ZNF410: variants seen among roughly 807,000 people sequenced by gnomAD.
ZNF410 encodes another partner for ARF 1.
Under a neutral mutation model 54.8 loss-of-function variants are expected in ZNF410, and 18 were observed. The observed-to-expected ratio is 0.33, with a 90% CI of 0.23 to 0.49. The LOEUF (loss-of-function observed/expected upper bound fraction) is 0.49. ZNF410 is among the 20% of genes least tolerant of loss of function. The pLI is 0.99. For missense variants in ZNF410, 405 were observed against 569.6 expected (o/e 0.71, Z 2.94); for synonymous variants, 191 against 207.3 (o/e 0.92, Z 0.68).
At chr14:73,892,778 C>G (rs1392652372) in intron 2 of ZNF410, among the ~76,000 whole-genome samples, 1 of 152,056 alleles carries the variant, frequency 6.6e-6, no homozygotes, top group South Asian at 2.1e-4. Context: ...TTTTATTCCT[C>G]AGCTGTAAAA....
At chr14:73,915,208 G>C (rs2055645507) in intron 8 of ZNF410, among the ~76,000 whole-genome samples, 1 of 149,484 alleles carries the variant, frequency 6.7e-6, no homozygotes, top group African/African-American at 2.5e-5. Context: ...GTTGCAGTGA[G>C]TCGAGATCGC....
chr14:73,894,740 T>A (rs1444824783), intron 3 of ZNF410, among the ~76,000 whole-genome samples: 1 of 152,144 alleles, frequency 6.6e-6, no homozygotes, highest in Non-Finnish European at 1.5e-5. Flanking sequence ...CAATACATAC[T>A]TTCTAAAGTC....
Position 73,922,081 on chromosome 14 carries a change from G to A in ZNF410, c.1145G>A (p.Gly382Asp). The change falls in exon 10 of 12, where the codon GGC becomes GAC. Residue 382 changes from glycine (G) to aspartate (D), a missense_variant. Gly to Asp is a moderately conservative substitution (Grantham distance 94). Coordinates refer to ENST00000555044, the MANE Select transcript of ZNF410 (RefSeq NM_021188.3). Reference sequence around the variant, plus strand: ...CTCTGTGCAGCTGAGCCACTAATGGGCAGTAGTTTGCTTGAAGAGGCTTCA... The same window carrying A: ...CTCTGTGCAGCTGAGCCACTAATGGACAGTAGTTTGCTTGAAGAGGCTTCA... ...EQEQTAEPLM[G>D]SSLLEEASVP... is the part of the protein sequence containing the mutation. 1.2e-6 allele frequency: 2 copies of A among 1,614,100 alleles called. No individual in the cohort carries two copies. The highest frequency in any genetic ancestry group is 1.7e-6 in the Non-Finnish European group (2 of 1,179,996).
intron 2 of ZNF410, 97 bp from the exon 3 acceptor site, chr14:73,893,700 C>G (rs1198818510): frequency 5.2e-6 from 7 of 1,357,478 alleles, no homozygotes; most frequent in Admixed American, 5.4e-5. Flanking sequence ...ATGGATGAGA[C>G]TAGTGAACAG....
In ZNF410 at chr14:73,893,931, A is replaced by G; in HGVS notation, c.168A>G (p.Pro56=). ...CAGAATGCAGTCGGCTAATGTTACC[A>G]GGTAAAAATTAAGATCACTAGAAAT... ...EASECSRLML[P]DDTTNHSNSS... is the part of the protein sequence containing the mutation. The change falls in exon 3 of 12, where the codon CCA becomes CCG. Residue 56 remains proline (P), a splice_region_variant and synonymous_variant. Transcript: ENST00000555044. 1 of 1,607,436 alleles carries G rather than the reference A, an allele frequency of 6.2e-7. No individual in the cohort carries two copies. Among genetic ancestry groups the G allele is most frequent in the Admixed American group, 1.7e-5 (1 of 57,884 alleles).
At chr14:73,930,987 A>T (rs891458889) in intron 11 of ZNF410, among the ~76,000 whole-genome samples, 1 of 152,184 alleles carries the variant, frequency 6.6e-6, no homozygotes, top group Non-Finnish European at 1.5e-5. Context: ...GTAGAATGTT[A>T]GTGGTAGTTG....
In ZNF410 at chr14:73,898,153, C is replaced by T; in HGVS notation, c.471C>T (p.Ser157=). The T allele has an allele frequency of 6.2e-7, 1 of 1,614,076 alleles. No individual in the cohort carries two copies. The highest frequency in any genetic ancestry group is 8.5e-7 in the Non-Finnish European group (1 of 1,180,014). Residue 157 remains serine (S), a synonymous_variant, in exon 5 of 12, where the codon AGC becomes AGT. Transcript: ENST00000555044. ...DSGNDFLSSE[S]TDSSIPWFLR... ...GGAATGATTTCCTCTCCAGTGAGAGCACAGACAGTAGCATTCCATGGTTCC... is the reference window on the plus strand; with the variant it reads ...GGAATGATTTCCTCTCCAGTGAGAGTACAGACAGTAGCATTCCATGGTTCC...
In ZNF410 at chr14:73,932,018, G is replaced by C. The variant is rs1234539540; in HGVS notation, c.*477G>C. The C allele has an allele frequency of 2.2e-6, 1 of 456,468 alleles. No individual in the cohort carries two copies. Among genetic ancestry groups the C allele is most frequent in the Non-Finnish European group, 4.4e-6 (1 of 226,794 alleles). 28.3% of individuals were successfully genotyped at this position (456,468 alleles called of 1,614,324 possible). A position where few individuals can be genotyped will look rare whatever the true frequency, so the allele number is the denominator to read the frequency against. ...AGAAGGGAGTGATGTCAATTCTCTT[G>C]TTACATTCTCCCTTTAGCAACCTGA... On this transcript the variant is annotated 3_prime_UTR_variant, in exon 12 of 12. Coordinates refer to ENST00000555044, the MANE Select transcript of ZNF410 (RefSeq NM_021188.3).
chr14:73,891,376 T>C (rs781102179), intron 1 of ZNF410, among the ~76,000 whole-genome samples: 29 of 152,098 alleles, frequency 1.9e-4, no homozygotes, highest in Non-Finnish European at 4.1e-4. Flanking sequence ...TTTTTTGAGA[T>C]AGAGTCTTGC....
At chr14:73,904,495 A>C (rs2055452576) in intron 6 of ZNF410, among the ~76,000 whole-genome samples, 1 of 152,146 alleles carries the variant, frequency 6.6e-6, no homozygotes, top group Non-Finnish European at 1.5e-5. Flanking sequence ...ACAGGATCTC[A>C]CTTTGTCACC....
In ZNF410 at chr14:73,921,107, T is replaced by G; in HGVS notation, c.1129+2T>G. ...GGAGTCAAGAGCAGGAGCAAACTGG[T>G]GAGGAGGGTGGGCATAGTGGAACGC... On this transcript the variant is annotated splice_donor_variant, in intron 9 of 11. Coordinates refer to ENST00000555044, the MANE Select transcript of ZNF410 (RefSeq NM_021188.3). LOFTEE classifies it high-confidence loss of function. 1 of 1,613,760 alleles carries G rather than the reference T, an allele frequency of 6.2e-7. No homozygotes were observed. The highest frequency in any genetic ancestry group is 8.5e-7 in the Non-Finnish European group (1 of 1,179,904).
chr14:73,928,632 G>A (rs1268403577), intron 11 of ZNF410, among the ~76,000 whole-genome samples: 1 of 152,124 alleles, frequency 6.6e-6, no homozygotes, highest in African/African-American at 2.4e-5. Context: ...CAGGGAGACA[G>A]CATAACACAG....
chr14:73,910,930 C>G (rs1166344162), intron 8 of ZNF410, among the ~76,000 whole-genome samples: 4 of 145,358 alleles, frequency 2.8e-5, no homozygotes, highest in Non-Finnish European at 5.9e-5. Context: ...GTCAGGCTGA[C>G]TCACATATTT....
chr14:73,923,711 G>A (rs1220258600), intron 11 of ZNF410, among the ~76,000 whole-genome samples, 189 bp downstream of exon 11: 4 of 152,148 alleles, frequency 2.6e-5, no homozygotes. Flanking sequence ...TTGGAGATTG[G>A]TCTGTCACAG....
At chr14:73,905,888 C>CAT (rs200264163) in intron 7 of ZNF410, among the ~76,000 whole-genome samples, 5 of 148,796 alleles carry the variant, frequency 3.4e-5, no homozygotes, top group African/African-American at 1.2e-4. Flanking sequence ...AAATAAAAGG[C>CAT]ATATATATAC....
intron 7 of ZNF410, 68 bp from the exon 8 acceptor site, chr14:73,909,273 G>A: frequency 7.5e-7 from 1 of 1,339,682 alleles, no homozygotes; most frequent in Non-Finnish European, 1.1e-6. Flanking sequence ...TAAAGTTGGT[G>A]GGAAAAGAGA....
Position 73,897,967 on chromosome 14 carries a change from G to A in ZNF410, c.389-104G>A, listed in dbSNP as rs563612870. On this transcript the variant is annotated intron_variant, in intron 4 of 11. Coordinates refer to ENST00000555044, the MANE Select transcript of ZNF410 (RefSeq NM_021188.3). ...AGCCTGGGTGACAGAGCGAGACGCC[G>A]TCTCAAAAAAAAAAAAAAAAAAAGG... 3.4e-4 allele frequency: 304 copies of A among 884,794 alleles called. 1 individual carries two copies. The African/African-American group carries it at 5.1e-3, about 15-fold the overall frequency. 54.8% of individuals were successfully genotyped at this position (884,794 alleles called of 1,614,324 possible). A position where few individuals can be genotyped will look rare whatever the true frequency, so the allele number is the denominator to read the frequency against.
intron 10 of ZNF410, chr14:73,922,414 A>G: frequency 2.6e-6 from 1 of 381,612 alleles, no homozygotes; most frequent in Non-Finnish European, 4.5e-6. Flanking sequence ...ATAAAAGAAT[A>G]AAAAGAAAAA....
At chr14:73,891,187 C>G (rs754767531) in intron 1 of ZNF410, among the ~76,000 whole-genome samples, 31 of 151,854 alleles carry the variant, frequency 2.0e-4, no homozygotes, top group Non-Finnish European at 3.5e-4. Context: ...TAAGTCACAC[C>G]AGCCTACCAC....
Sources: allele counts gnomAD v4.1 joint callset (sites outside exome capture counted in the v4.1 genomes callset), GRCh38; gene constraint gnomAD v4.1.1; transcripts MANE v1.5; gene names NCBI Gene and HGNC (gene_info 2026-07-23, HGNC 2026-07-21).